The following COG5 variants were observed in gnomAD, a reference collection of about 807,000 sequenced individuals.
The protein encoded by COG5 is conserved oligomeric Golgi complex subunit 5.
In COG5, 86 loss-of-function variants were observed where a neutral mutation model predicts 110.4. The observed-to-expected ratio is 0.78, with a 90% CI of 0.65 to 0.93. COG5 has a LOEUF of 0.93. COG5 is among the 40% of genes least tolerant of loss of function. The pLI is 0.00. For missense variants in COG5, 1,077 were observed against 987.0 expected (o/e 1.09, Z -1.22); for synonymous variants, 360 against 334.6 (o/e 1.08, Z -0.83).
rs575270872 is a variant in COG5 at position 107,201,440 on chromosome 7, G to A, written c.*2076C>T. 4 of 1,564,246 alleles carry A rather than the reference G, an allele frequency of 2.6e-6. No homozygotes were observed. Among genetic ancestry groups the A allele is most frequent in the Non-Finnish European group, 3.5e-6 (4 of 1,136,476 alleles). Reference sequence around the variant, plus strand: ...GCTCACAACAACATTAAACCAGGATGCTTATGTTCTTAAGTCTATATTTGC... The same window carrying A: ...GCTCACAACAACATTAAACCAGGATACTTATGTTCTTAAGTCTATATTTGC... On this transcript the variant is annotated 3_prime_UTR_variant, in exon 22 of 22. Transcript: ENST00000297135.
intron 14 of COG5, among the ~76,000 whole-genome samples, chr7:107,268,500 A>T (rs1390701768): frequency 6.6e-6 from 1 of 152,246 alleles, no homozygotes; most frequent in Admixed American, 6.5e-5. Context: ...TGTTTGCCAT[A>T]AATGGCTATA....
At chr7:107,501,813 T>C (rs950307270) in intron 6 of COG5, among the ~76,000 whole-genome samples, 5 of 152,122 alleles carry the variant, frequency 3.3e-5, no homozygotes, top group Non-Finnish European at 7.4e-5. Flanking sequence ...CAGTCACATA[T>C]GTAAGCAATT....
chr7:107,262,792 T>C (rs1394744792), intron 14 of COG5, among the ~76,000 whole-genome samples: 1 of 152,186 alleles, frequency 6.6e-6, no homozygotes, highest in African/African-American at 2.4e-5. Context: ...AGAAAACTCC[T>C]GTTCCCAGAA....
intron 6 of COG5, among the ~76,000 whole-genome samples, chr7:107,429,212 C>G (rs529853653): frequency 1.3e-5 from 2 of 152,112 alleles, no homozygotes; most frequent in East Asian, 3.9e-4. Context: ...TTACTTAATC[C>G]TTCAAAGGAA....
At chr7:107,362,930 A>C (rs1357694712) in intron 8 of COG5, among the ~76,000 whole-genome samples, 2 of 152,202 alleles carry the variant, frequency 1.3e-5, no homozygotes, top group African/African-American at 4.8e-5. Context: ...AATTCACGGA[A>C]TTTTTACTTA....
At chr7:107,500,182 T>C (rs1032464252) in intron 6 of COG5, among the ~76,000 whole-genome samples, 2 of 152,180 alleles carry the variant, frequency 1.3e-5, no homozygotes, top group Admixed American at 6.6e-5. Context: ...ATGTAAGAGT[T>C]GGCATCCTGT....
In COG5 at chr7:107,461,355, A is replaced by G. The variant is rs573496314; in HGVS notation, c.539-48723T>C. Among the ~76,000 whole-genome samples, 8 of 152,300 alleles carry G rather than the reference A, an allele frequency of 5.3e-5. No individual in the cohort carries two copies. In the East Asian group the frequency reaches 1.3e-3, roughly 26 times the overall value. On this transcript the variant is annotated intron_variant, in intron 6 of 21. Transcript: ENST00000297135. Reference sequence around the variant, plus strand: ...GAAAAACCATATGAACCCTCATTAAATGGAAAAAATCTTAAATAATGTAAT... The same window carrying G: ...GAAAAACCATATGAACCCTCATTAAGTGGAAAAAATCTTAAATAATGTAAT...
chr7:107,445,655 A>G (rs956235513), intron 6 of COG5, among the ~76,000 whole-genome samples: 1 of 152,154 alleles, frequency 6.6e-6, no homozygotes, highest in Non-Finnish European at 1.5e-5. Flanking sequence ...TTTAGTGTAA[A>G]TAGAATCTTC....
chr7:107,224,931 G>A (rs1800213621), intron 19 of COG5, among the ~76,000 whole-genome samples: 1 of 152,230 alleles, frequency 6.6e-6, no homozygotes, highest in East Asian at 1.9e-4. Context: ...TATGCAAGAA[G>A]CTTGCTGGCT....
chr7:107,236,400 T>A, intron 18 of COG5, 50 bp downstream of exon 18: 1 of 1,284,676 alleles, frequency 7.8e-7, no homozygotes, highest in Non-Finnish European at 1.1e-6. Context: ...ATTTAATAGA[T>A]GATATTGAGG....
chr7:107,286,620 T>TAG (rs1805653832), intron 12 of COG5, among the ~76,000 whole-genome samples: 1 of 152,222 alleles, frequency 6.6e-6, no homozygotes, highest in Non-Finnish European at 1.5e-5. Flanking sequence ...ATTCTACTTG[T>TAG]GCAACTCTTC....
chr7:107,260,693 A>T (rs1803264297), intron 14 of COG5, among the ~76,000 whole-genome samples: 1 of 152,084 alleles, frequency 6.6e-6, no homozygotes, highest in South Asian at 2.1e-4. Context: ...AAAGCTACAT[A>T]AAAAAAATTA....
At chr7:107,489,261 T>A (rs376183311) in intron 6 of COG5, among the ~76,000 whole-genome samples, 4 of 152,204 alleles carry the variant, frequency 2.6e-5, no homozygotes, top group Non-Finnish European at 5.9e-5. Context: ...AAATGTATTC[T>A]TATTTTCTTG....
chr7:107,454,536 C>T (rs1795543573), intron 6 of COG5, among the ~76,000 whole-genome samples: 1 of 152,080 alleles, frequency 6.6e-6, no homozygotes, highest in Admixed American at 6.5e-5. Flanking sequence ...TTTAAAACAC[C>T]TAATGCCCTT....
At position 107,427,929 on chromosome 7, in the gene COG5, G is replaced by A. The variant is rs571566664; in HGVS notation, c.539-15297C>T. 9.2e-5 allele frequency among the ~76,000 whole-genome samples: 14 copies of A among 152,184 alleles called. No homozygotes were observed. The East Asian group carries it at 1.7e-3, about 19-fold the overall frequency. ...TGAGGGTGGTCCCCCACTCAAAGGC[G>A]GGTATCTCTCCTTCAGTGTGGCTGG... On this transcript the variant is annotated intron_variant, in intron 6 of 21. Coordinates refer to ENST00000297135, the MANE Select transcript of COG5 (RefSeq NM_006348.5).
intron 10 of COG5, among the ~76,000 whole-genome samples, chr7:107,345,159 AAC>A (rs960973356): frequency 6.6e-6 from 1 of 152,166 alleles, no homozygotes; most frequent in Non-Finnish European, 1.5e-5. Flanking sequence ...GAGCAGTCAG[AAC>A]ACACACACTT....
At chr7:107,283,445 CTTAAT>C (rs1471075731) in intron 13 of COG5, 121 bp downstream of exon 13, 15 of 782,872 alleles carry the variant, frequency 1.9e-5, no homozygotes, top group East Asian at 1.9e-4. Flanking sequence ...CTATAAAATT[CTTAAT>C]TTAATTGTGG....
chr7:107,489,613 T>C (rs1797864401), intron 6 of COG5, among the ~76,000 whole-genome samples: 1 of 152,172 alleles, frequency 6.6e-6, no homozygotes, highest in Non-Finnish European at 1.5e-5. Context: ...AATCTATGTT[T>C]AGTGAGGAAG....
chr7:107,557,357 T>C (rs1803399572), intron 2 of COG5, among the ~76,000 whole-genome samples: 1 of 152,192 alleles, frequency 6.6e-6, no homozygotes, highest in African/African-American at 2.4e-5. Context: ...CCTATAAAAT[T>C]TACAGAATTT....
Sources: gnomAD v4.1 joint callset for allele counts (sites outside exome capture counted in the v4.1 genomes callset) on GRCh38, gnomAD v4.1.1 for gene constraint, MANE v1.5 for transcripts, NCBI Gene and HGNC (gene_info 2026-07-23, HGNC 2026-07-21) for gene names.